Variants in REST observed in about 807,000 individuals in gnomAD.
REST encodes the protein RE1-silencing transcription factor.
Under a neutral mutation model 30.4 loss-of-function variants are expected in REST, and 1 was observed. The observed-to-expected ratio is 0.03, with a 90% CI of 0.01 to 0.16. The LOEUF is 0.16. REST is among the 10% of genes least tolerant of loss of function. The probability of loss-of-function intolerance (pLI) is 1.00; values close to 1 mark genes in which losing one functional copy is unlikely to be tolerated. For missense variants in REST, 1,259 were observed against 1,329.5 expected (o/e 0.95, Z 0.82); for synonymous variants, 504 against 451.1 (o/e 1.12, Z -1.49).
intron 3 of REST, among the ~76,000 whole-genome samples, chr4:56,920,482 G>A (rs1301132546): frequency 1.3e-5 from 2 of 151,742 alleles, no homozygotes; most frequent in Non-Finnish European, 2.9e-5. Context: ...GTCCCTGTTG[G>A]CCAGCATGGT....
rs760572236 is a variant in REST, at chr4:56,931,861, G to A, written c.3003G>A (p.Glu1001=). 1.9e-5 allele frequency: 31 copies of A among 1,614,092 alleles called. 1 individual carries two copies. In the Admixed American group the frequency reaches 5.0e-4, roughly 26 times the overall value. Residue 1001 remains glutamate (E), a synonymous_variant, in exon 4 of 4, where the codon GAG becomes GAA. Transcript: ENST00000309042. ...ASPPATMAAN[E]SQEIDEDEGI... is the part of the protein sequence containing the mutation. ...CTCCTGCTACAATGGCAGCAAATGA[G>A]TCTCAGGAAATTGATGAAGATGAAG...
chr4:56,911,062 C>G lies in REST; in HGVS notation c.424C>G (p.Pro142Ala). 1 of 1,614,070 alleles carries G rather than the reference C, an allele frequency of 6.2e-7. No homozygotes were observed. Among genetic ancestry groups the G allele is most frequent in the South Asian group, 1.1e-5 (1 of 91,082 alleles). ...DIYSSNKDLP[P>A]ETPGAEDKGK... ...TTACAGTTCAAATAAAGATCTTCCCCCTGAAACACCTGGAGCGGAGGACAA... is the reference window on the plus strand; with the variant it reads ...TTACAGTTCAAATAAAGATCTTCCCGCTGAAACACCTGGAGCGGAGGACAA... Residue 142 changes from proline to alanine, a missense_variant, in exon 2 of 4, where the codon CCT becomes GCT. Around this residue, in one of 5 missense-constraint regions of REST, gnomAD observed 249 missense variants for 251.5 expected, o/e 0.99. Coordinates refer to ENST00000309042, the MANE Select transcript of REST (RefSeq NM_005612.5).
intron 3 of REST, among the ~76,000 whole-genome samples, chr4:56,924,008 A>G (rs996173659): frequency 3.3e-5 from 5 of 152,126 alleles, no homozygotes; most frequent in African/African-American, 1.2e-4. Context: ...GGCGTGAGCC[A>G]CCACACCCGG....
At position 56,919,768 on chromosome 4, in the gene REST, T is replaced by C. The variant is rs753704817; in HGVS notation, c.899-19T>C. 1.2e-5 allele frequency: 18 copies of C among 1,523,964 alleles called. No homozygotes were observed. In the East Asian group the frequency reaches 1.8e-4, roughly 15 times the overall value. 94.4% of individuals were successfully genotyped at this position (1,523,964 alleles called of 1,614,324 possible). On this transcript the variant is annotated intron_variant, in intron 2 of 3. Coordinates refer to ENST00000309042, the MANE Select transcript of REST (RefSeq NM_005612.5). ...ATTTCGTGACATTTAAACACTCTTATATTATTGAAATTTTGCAGGAGAACG... is the reference window on the plus strand; with the variant it reads ...ATTTCGTGACATTTAAACACTCTTACATTATTGAAATTTTGCAGGAGAACG...
rs1381746522 is a variant in REST at position 56,935,582 on chromosome 4, G to A, written c.*3430G>A. 2.6e-5 allele frequency: 4 copies of A among 152,174 alleles called. No individual in the cohort carries two copies. The highest frequency in any genetic ancestry group is 4.8e-5 in the African/African-American group (2 of 41,442). 9.4% of individuals were successfully genotyped at this position (152,174 alleles called of 1,614,324 possible). ...TTTATAAACTTAAGCAGTGCAATAC[G>A]TGTTACTTTTCTGAGGCAAACCAAA... On this transcript the variant is annotated 3_prime_UTR_variant, in exon 4 of 4. Coordinates refer to ENST00000309042, the MANE Select transcript of REST (RefSeq NM_005612.5).
intron 1 of REST, chr4:56,909,314 G>A (rs997686697): frequency 6.6e-6 from 1 of 152,314 alleles, no homozygotes; most frequent in African/African-American, 2.4e-5. Context: ...TGAGAAAATG[G>A]CCGAATGCCT....
chr4:56,926,353 G>A (rs548026492), intron 3 of REST, among the ~76,000 whole-genome samples: 9 of 152,022 alleles, frequency 5.9e-5, no homozygotes, highest in South Asian at 4.2e-4. Flanking sequence ...GATTACAGGC[G>A]TGAGCCACTG....
intron 2 of REST, among the ~76,000 whole-genome samples, chr4:56,915,175 G>A (rs1378758667): frequency 2.0e-5 from 3 of 147,950 alleles, no homozygotes; most frequent in Non-Finnish European, 3.0e-5. Flanking sequence ...CACCCGCCGC[G>A]GCCTCCCAAA....
intron 2 of REST, among the ~76,000 whole-genome samples, chr4:56,919,061 G>GC (rs1427405490): frequency 3.3e-5 from 5 of 150,836 alleles, no homozygotes; most frequent in African/African-American, 1.2e-4. Context: ...GTACCACCAT[G>GC]CCCGGCTAAT....
At chr4:56,927,974 G>A (rs867695074) in intron 3 of REST, among the ~76,000 whole-genome samples, 19 of 152,190 alleles carry the variant, frequency 1.2e-4, no homozygotes, top group South Asian at 4.1e-4. Context: ...TCAAGAAAAA[G>A]CCTTTGCTCA....
At position 56,908,082 on chromosome 4, in the gene REST, T is replaced by G. The variant is rs1719701983; in HGVS notation, c.-141T>G. 3.0e-6 allele frequency: 1 copy of G among 338,160 alleles called. No individual in the cohort carries two copies. The highest frequency in any genetic ancestry group is 1.4e-4 in the South Asian group (1 of 6,996). The allele number at this position is 338,160 out of a possible 1,614,324, so 20.9% of individuals were successfully genotyped here. On this transcript the variant is annotated 5_prime_UTR_variant, in exon 1 of 4. Coordinates refer to ENST00000309042, the MANE Select transcript of REST (RefSeq NM_005612.5). ...CAGCCCCACTCCTGGGCCTTCTTGG[T>G]CCACGACGGCCCCAGCACCCAACTT...
chr4:56,927,714 G>A (rs763390184), intron 3 of REST: 53 of 918,498 alleles, frequency 5.8e-5, no homozygotes, highest in East Asian at 7.6e-5. Flanking sequence ...ATTTGGGGGT[G>A]GGGGTTCTGG....
chr4:56,910,630 A>T lies in REST; in HGVS notation c.-9A>T, dbSNP rs751495260. The T allele has an allele frequency of 3.1e-6, 5 of 1,594,334 alleles. No individual in the cohort carries two copies. The African/African-American group carries it at 6.7e-5, about 21-fold the overall frequency. The stretch of plus-strand genomic sequence containing the variant: ...TTGTTTTGTTTTGTTTTTAATTCAG[A>T]ATACAGTTATGGCCACCCAGGTAAT... On this transcript the variant is annotated splice_region_variant and 5_prime_UTR_variant, in exon 2 of 4. Transcript: ENST00000309042.
Position 56,931,265 on chromosome 4 carries a change from C to A in REST, c.2407C>A (p.Pro803Thr), listed in dbSNP as rs895101219. 6.2e-7 allele frequency: 1 copy of A among 1,614,232 alleles called. No individual in the cohort carries two copies. Among genetic ancestry groups the A allele is most frequent in the Non-Finnish European group, 8.5e-7 (1 of 1,180,036 alleles). The part of the protein sequence containing the change: ...AQREPPPPRE[P>T]PLHMEPISKK... ...GAGGGAGCCACCTCCTCCCAGAGAG[C>A]CTCCCCTTCACATGGAGCCAATTTC... Residue 803 changes from proline to threonine, a missense_variant, in exon 4 of 4, where the codon CCT becomes ACT. Transcript: ENST00000309042.
intron 3 of REST, among the ~76,000 whole-genome samples, chr4:56,921,329 A>G (rs1303381595): frequency 2.0e-5 from 3 of 152,222 alleles, no homozygotes; most frequent in Non-Finnish European, 4.4e-5. Context: ...ACATGTGGCT[A>G]TTAAGCTTTC....
chr4:56,934,669 T>C lies in REST; in HGVS notation c.*2517T>C, dbSNP rs1247696546. The C allele has an allele frequency of 1.3e-5, 2 of 152,236 alleles. No homozygotes were observed. The highest frequency in any genetic ancestry group is 2.9e-5 in the Non-Finnish European group (2 of 68,026). 9.4% of individuals were successfully genotyped at this position (152,236 alleles called of 1,614,324 possible). A position where few individuals can be genotyped will look rare whatever the true frequency, so the allele number is the denominator to read the frequency against. On this transcript the variant is annotated 3_prime_UTR_variant, in exon 4 of 4. Transcript: ENST00000309042. ...AAGTTTTTCCATTTGAAAAATGTGA[T>C]GTTTGCATGGAACTGTTTGAAACTT...
chr4:56,915,393 G>A (rs1042213681), intron 2 of REST, among the ~76,000 whole-genome samples: 7 of 151,018 alleles, frequency 4.6e-5, no homozygotes, highest in East Asian at 1.9e-4. Flanking sequence ...TTACAGGTGC[G>A]TGCCACCACG....
In REST at chr4:56,918,894, C is replaced by T. The variant is rs1720321627; in HGVS notation, c.899-893C>T. On this transcript the variant is annotated intron_variant, in intron 2 of 3. Transcript: ENST00000309042. ...CTATGTTGCCCAGGCTAGTCTTGAA[C>T]TCCTGGGCTCAAATGATTGGCCTGT... Among the ~76,000 whole-genome samples the T allele has an allele frequency of 2.0e-5, 3 of 152,036 alleles. No individual in the cohort carries two copies. The South Asian group carries it at 6.2e-4, about 32-fold the overall frequency.
In REST at chr4:56,932,976, A is replaced by G. The variant is rs1249519460; in HGVS notation, c.*824A>G. The G allele has an allele frequency of 6.6e-6, 1 of 152,146 alleles. No homozygotes were observed. The highest frequency in any genetic ancestry group is 2.1e-4 in the South Asian group (1 of 4,834). 9.4% of individuals were successfully genotyped at this position (152,146 alleles called of 1,614,324 possible). ...TTCTTTTTCTTTGCTGCAGTTGTCT[A>G]TTTTGCAGAATAATAGTGTGTGCAA... On this transcript the variant is annotated 3_prime_UTR_variant, in exon 4 of 4. Coordinates refer to ENST00000309042, the MANE Select transcript of REST (RefSeq NM_005612.5).
Sources: gnomAD v4.1 joint callset for allele counts (sites outside exome capture counted in the v4.1 genomes callset) on GRCh38, gnomAD v4.1.1 for gene constraint, gnomAD v4.1.1 regional missense constraint, MANE v1.5 for transcripts, NCBI Gene and HGNC (gene_info 2026-07-23, HGNC 2026-07-21) for gene names.